The following EPB41 variants were observed in gnomAD, a reference collection of about 807,000 sequenced individuals.
EPB41 encodes erythrocyte membrane protein band 4.1.
EPB41 carries 65 observed loss-of-function variants against 108.0 expected under a neutral mutation model. The observed-to-expected ratio is 0.60, with a 90% confidence interval of 0.49 to 0.74. The LOEUF (loss-of-function observed/expected upper bound fraction) is 0.74, where lower values mean the gene tolerates loss of function less well. Among genes scored for constraint, EPB41 ranks in the 30% least tolerant of loss-of-function variants. The pLI is 0.00. For missense variants in EPB41, 875 were observed against 1,037.0 expected (o/e 0.84, Z 2.15); for synonymous variants, 336 against 358.9 (o/e 0.94, Z 0.72).
Position 29,018,194 on chromosome 1 carries a change from T to C in EPB41, c.906-30T>C. The C allele has an allele frequency of 1.3e-6, 2 of 1,594,330 alleles. No homozygotes were observed. The highest frequency in any genetic ancestry group is 1.7e-6 in the Non-Finnish European group (2 of 1,162,290). On this transcript the variant is annotated intron_variant, in intron 6 of 20. Coordinates refer to ENST00000343067, the MANE Select transcript of EPB41 (RefSeq NM_001376013.1). This position sits in a 1 kb window ranked among gnomAD's most constrained non-coding sequence, Gnocchi z 4.4. ...CTTTATATTTTGTTGTTGTTGTTGCTGACATAACATTTTTCTCTTTTGGCT... is the reference window on the plus strand; with the variant it reads ...CTTTATATTTTGTTGTTGTTGTTGCCGACATAACATTTTTCTCTTTTGGCT...
intron 16 of EPB41, chr1:29,071,708 G>GAA (rs1651527152): frequency 1.9e-5 from 1 of 51,842 alleles, no homozygotes; most frequent in Non-Finnish European, 6.2e-5. Flanking sequence ...TCTCTCTTCA[G>GAA]GACAACTCAC....
chr1:28,889,021 G>GGATGAAAGGGGACA (rs1553154443), intron 1 of EPB41, among the ~76,000 whole-genome samples: 1 of 152,170 alleles, frequency 6.6e-6, no homozygotes, highest in Non-Finnish European at 1.5e-5. Context: ...GCAGAGGGAG[G>GGATGAAAGGGGACA]GATGAAAGGG....
At chr1:29,064,760 AG>A (rs770380473) in intron 15 of EPB41, among the ~76,000 whole-genome samples, 1 of 152,192 alleles carries the variant, frequency 6.6e-6, no homozygotes, top group Non-Finnish European at 1.5e-5. Flanking sequence ...ACAGCTATGG[AG>A]TTGTGATACT....
chr1:29,035,627 C>T (rs979016583), intron 9 of EPB41, among the ~76,000 whole-genome samples, 199 bp from the exon 10 acceptor site: 2 of 151,058 alleles, frequency 1.3e-5, no homozygotes, highest in African/African-American at 4.9e-5. Context: ...CCCTGGCTTT[C>T]TTGCTTTGGA....
intron 1 of EPB41, among the ~76,000 whole-genome samples, chr1:28,918,024 A>G (rs2092810821): frequency 6.6e-6 from 1 of 152,148 alleles, no homozygotes; most frequent in Admixed American, 6.5e-5. Context: ...TAACTTTAGA[A>G]TATCAGTGGC....
At chr1:29,043,198 T>C (rs1642145109) in intron 11 of EPB41, among the ~76,000 whole-genome samples, 1 of 152,164 alleles carries the variant, frequency 6.6e-6, no homozygotes, top group Admixed American at 6.5e-5. Context: ...ATAGACTATC[T>C]GGGGATGGGG....
rs1327881636 is a variant in EPB41, at chr1:28,947,558, G to C, written c.-8+32790G>C. On this transcript the variant is annotated intron_variant, in intron 1 of 20. Transcript: ENST00000343067. ...ATACAGTTATTCAGCGGGGTGTGGT[G>C]GCTTACTCTTATAACCCGAGCACTT... is the stretch of plus-strand genomic sequence containing the variant. 3.9e-5 allele frequency among the ~76,000 whole-genome samples: 6 copies of C among 152,266 alleles called. No individual in the cohort carries two copies. The East Asian group carries it at 1.2e-3, about 29-fold the overall frequency.
At chr1:29,083,993 A>G (rs1657782457) in intron 16 of EPB41, among the ~76,000 whole-genome samples, 1 of 149,544 alleles carries the variant, frequency 6.7e-6, no homozygotes, top group African/African-American at 2.5e-5. Context: ...TGTTTACTTT[A>G]GTTAAGAACC....
chr1:28,913,581 G>C (rs895867843), upstream of EPB41, among the ~76,000 whole-genome samples: 1 of 152,234 alleles, frequency 6.6e-6, no homozygotes, highest in Non-Finnish European at 1.5e-5. Context: ...GGAATGTCTA[G>C]CTGGCATCTA....
chr1:29,013,470 A>G (rs1209117514), intron 5 of EPB41, among the ~76,000 whole-genome samples: 1 of 152,204 alleles, frequency 6.6e-6, no homozygotes, highest in African/African-American at 2.4e-5. Flanking sequence ...AAAGAGAAGA[A>G]TGACATTTAT....
intron 4 of EPB41, among the ~76,000 whole-genome samples, chr1:29,004,982 C>T (rs977620140): frequency 7.9e-5 from 12 of 152,038 alleles, no homozygotes; most frequent in Non-Finnish European, 1.2e-4. Flanking sequence ...ATGACTAACT[C>T]GGGGAATGGA....
intron 7 of EPB41, among the ~76,000 whole-genome samples, chr1:29,027,222 AG>A (rs1421021725): frequency 7.9e-5 from 12 of 152,178 alleles, no homozygotes; most frequent in Admixed American, 5.2e-4. Context: ...ACTCACTTAC[AG>A]CCTTAAACTC....
chr1:29,045,837 A>C (rs1401129209), intron 11 of EPB41, among the ~76,000 whole-genome samples: 1 of 147,524 alleles, frequency 6.8e-6, no homozygotes, highest in East Asian at 2.1e-4. Context: ...TTAGCTGAGC[A>C]TGGTAGTGCA....
At chr1:28,901,400 T>G (rs1357168331) in intron 1 of EPB41, among the ~76,000 whole-genome samples, 2 of 151,508 alleles carry the variant, frequency 1.3e-5, no homozygotes. Context: ...AATTTTTGTA[T>G]TTTTAGTAGA....
chr1:29,091,515 C>T (rs754293536), intron 16 of EPB41, among the ~76,000 whole-genome samples: 7 of 152,042 alleles, frequency 4.6e-5, no homozygotes, highest in Non-Finnish European at 1.0e-4. Flanking sequence ...TTCTAGTGTC[C>T]CCCAGACCCT....
At chr1:28,971,750 G>A (rs554690475) in intron 1 of EPB41, among the ~76,000 whole-genome samples, 1 of 152,242 alleles carries the variant, frequency 6.6e-6, no homozygotes, top group East Asian at 1.9e-4. Context: ...AGCCTATGAG[G>A]ACATTAGCAC....
At chr1:28,952,873 G>A (rs969179324) in intron 1 of EPB41, among the ~76,000 whole-genome samples, 6 of 152,066 alleles carry the variant, frequency 3.9e-5, no homozygotes, top group African/African-American at 1.4e-4. Flanking sequence ...GAGAGATTAA[G>A]CGCTCACCAC....
intron 11 of EPB41, chr1:29,041,147 TTAAATAAATAAATAAA>T (rs35491137): frequency 1.1e-4 from 16 of 141,340 alleles, no homozygotes; most frequent in South Asian, 2.3e-4. Context: ...AATAAATAAA[TTAAATAAATAAATAAA>T]TAAATAAATA....
At chr1:28,901,744 G>A (rs942036152) in intron 1 of EPB41, among the ~76,000 whole-genome samples, 32 of 152,040 alleles carry the variant, frequency 2.1e-4, no homozygotes, top group African/African-American at 6.5e-4. Context: ...ATGTTGACCA[G>A]GCTGGTCTCG....
Sources: allele counts gnomAD v4.1 joint callset (sites outside exome capture counted in the v4.1 genomes callset), GRCh38; gene constraint gnomAD v4.1.1; non-coding constraint Gnocchi (gnomAD v3.1); transcripts MANE v1.5; gene names NCBI Gene and HGNC (gene_info 2026-07-23, HGNC 2026-07-21).